ACSM2B: variants seen among roughly 807,000 people sequenced by gnomAD.
The protein encoded by ACSM2B is acyl-coenzyme A synthetase ACSM2B, mitochondrial.
Under a neutral mutation model 78.6 loss-of-function variants are expected in ACSM2B, and 58 were observed. The observed-to-expected ratio is 0.74, with a 90% CI of 0.60 to 0.92. The LOEUF is 0.92. ACSM2B is among the 40% of genes least tolerant of loss of function. The pLI, the probability that ACSM2B is intolerant of heterozygous loss-of-function variation, is 0.00. For synonymous variants in ACSM2B, 257 were observed against 256.8 expected (o/e 1.00, Z -0.01); for missense variants, 688 against 711.2 (o/e 0.97, Z 0.37).
intron 12 of ACSM2B, chr16:20,542,108 T>G (rs1243533597): frequency 6.6e-6 from 1 of 151,622 alleles, no homozygotes; most frequent in Non-Finnish European, 1.5e-5. Flanking sequence ...TGAGAACATT[T>G]CAAGTCCTCT....
Position 20,553,683 on chromosome 16 carries a change from G to A in ACSM2B, c.740+94C>T, listed in dbSNP as rs2015383020. On this transcript the variant is annotated intron_variant, in intron 5 of 13. Coordinates refer to ENST00000329697, the MANE Select transcript of ACSM2B (RefSeq NM_001105069.2). ...GAATTTTCTTTCTCAGAACCACAAGGTGGTGACACAGCCCAGGAGCATTGG... is the reference window on the plus strand; with the variant it reads ...GAATTTTCTTTCTCAGAACCACAAGATGGTGACACAGCCCAGGAGCATTGG... 11 of 1,522,960 alleles carry A rather than the reference G, an allele frequency of 7.2e-6. No homozygotes were observed. The East Asian group carries it at 2.1e-4, about 28-fold the overall frequency. The allele number at this position is 1,522,960 out of a possible 1,614,324, so 94.3% of individuals were successfully genotyped here.
At chr16:20,554,773 G>C (rs970794337) in intron 4 of ACSM2B, among the ~76,000 whole-genome samples, 1 of 152,178 alleles carries the variant, frequency 6.6e-6, no homozygotes, top group Admixed American at 6.5e-5. Flanking sequence ...CCCCTGATTT[G>C]AGTCATAGTT....
At chr16:20,554,809 C>T (rs2015418620) in intron 4 of ACSM2B, among the ~76,000 whole-genome samples, 1 of 152,232 alleles carries the variant, frequency 6.6e-6, no homozygotes, top group Non-Finnish European at 1.5e-5. Context: ...GGGTGGGTTT[C>T]AACCCACTTG....
chr16:20,544,455 G>A (rs1365666583), intron 10 of ACSM2B: 2 of 647,846 alleles, frequency 3.1e-6, no homozygotes, highest in African/African-American at 4.0e-5. Flanking sequence ...TGAGTTTAAA[G>A]TTTAAAAATT....
At chr16:20,540,878 C>T (rs996678686) in intron 12 of ACSM2B, 105 bp from the exon 13 acceptor site, 4 of 1,464,118 alleles carry the variant, frequency 2.7e-6, no homozygotes, top group Admixed American at 3.9e-5. Flanking sequence ...TGTATCTACT[C>T]ATTTGCACCC....
intron 1 of ACSM2B, among the ~76,000 whole-genome samples, 178 bp downstream of exon 1, chr16:20,576,029 C>A (rs1400007236): frequency 6.7e-6 from 1 of 148,212 alleles, no homozygotes; most frequent in Admixed American, 6.6e-5. Flanking sequence ...ATAAACGTGC[C>A]TTTTCCTCTG....
At chr16:20,555,714 T>C (rs1191940397) in intron 3 of ACSM2B, among the ~76,000 whole-genome samples, 1 of 152,172 alleles carries the variant, frequency 6.6e-6, no homozygotes, top group Non-Finnish European at 1.5e-5. Flanking sequence ...ATTGAATTGC[T>C]AATGTCACAC....
chr16:20,568,850 G>C (rs1421624673), intron 1 of ACSM2B, among the ~76,000 whole-genome samples: 1 of 150,892 alleles, frequency 6.6e-6, no homozygotes, highest in Admixed American at 6.6e-5. Context: ...ATGTATGCTG[G>C]ATCTTCTTTT....
chr16:20,540,233 T>TG (rs71149154), intron 13 of ACSM2B, among the ~76,000 whole-genome samples: 36,931 of 147,588 alleles, frequency 0.25, 5,054 homozygotes, highest in Middle Eastern at 0.4. Flanking sequence ...TGTTTTTTTT[T>TG]TTTGTTTGTT....
intron 1 of ACSM2B, among the ~76,000 whole-genome samples, chr16:20,566,641 T>C (rs1428689993): frequency 1.6e-4 from 3 of 19,264 alleles, no homozygotes; most frequent in Non-Finnish European, 2.3e-4. Context: ...ATAGTATATA[T>C]ATACTATACT....
intron 12 of ACSM2B, chr16:20,541,571 G>A (rs1405036059): frequency 6.6e-6 from 1 of 151,762 alleles, no homozygotes; most frequent in African/African-American, 2.4e-5. Context: ...CAAACAGCAG[G>A]ATAGAATCCT....
At chr16:20,567,821 T>G (rs1415913285) in intron 1 of ACSM2B, among the ~76,000 whole-genome samples, 4 of 141,556 alleles carry the variant, frequency 2.8e-5, no homozygotes, top group Non-Finnish European at 6.1e-5. Context: ...TATGTATAGA[T>G]ATATAAAACT....
At chr16:20,563,739 G>C (rs1240353622) in intron 2 of ACSM2B, among the ~76,000 whole-genome samples, 1 of 147,712 alleles carries the variant, frequency 6.8e-6, no homozygotes, top group East Asian at 1.9e-4. Flanking sequence ...CTGTTTCATA[G>C]TGTAGGGAAC....
intron 1 of ACSM2B, chr16:20,574,791 C>G (rs2016198543): frequency 6.6e-6 from 1 of 151,036 alleles, no homozygotes; most frequent in Non-Finnish European, 1.5e-5. Flanking sequence ...AGTTCTTTCT[C>G]TACAGGAGAT....
chr16:20,556,678 G>A (rs924924602), intron 3 of ACSM2B, among the ~76,000 whole-genome samples: 21 of 152,266 alleles, frequency 1.4e-4, no homozygotes, highest in East Asian at 7.7e-4. Context: ...CCACATGCCC[G>A]TCCTGTTAAA....
In ACSM2B at chr16:20,545,488, G is replaced by A. The variant is rs1424808083; in HGVS notation, c.1180-230C>T. Among the ~76,000 whole-genome samples the A allele has an allele frequency of 3.3e-5, 5 of 152,278 alleles. No individual in the cohort carries two copies. The South Asian group carries it at 8.3e-4, about 25-fold the overall frequency. ...TTGAGACTGGCCCAGATGAGCCTGG[G>A]GAGATGCTTTTGGCTCTAGGAGCTC... is the stretch of plus-strand genomic sequence containing the variant. On this transcript the variant is annotated intron_variant, in intron 9 of 13. Transcript: ENST00000329697.
At chr16:20,559,894 T>A (rs748756152) in intron 2 of ACSM2B, among the ~76,000 whole-genome samples, 1 of 151,086 alleles carries the variant, frequency 6.6e-6, no homozygotes. Context: ...CCAACATGTA[T>A]CTTCTGGAAA....
chr16:20,546,151 A>C (rs532523295), intron 9 of ACSM2B, among the ~76,000 whole-genome samples: 1 of 152,280 alleles, frequency 6.6e-6, no homozygotes, highest in African/African-American at 2.4e-5. Context: ...TATACTGTCT[A>C]GCTAATTTGC....
chr16:20,545,198 C>T lies in ACSM2B; in HGVS notation c.1240G>A (p.Val414Ile), dbSNP rs1807880202. Residue 414 changes from valine (V) to isoleucine (I), a missense_variant, in exon 10 of 14, where the codon GTC (valine) becomes ATC (isoleucine). Val to Ile is a conservative substitution (Grantham distance 29). Coordinates refer to ENST00000329697, the MANE Select transcript of ACSM2B (RefSeq NM_001105069.2). ...PGTEGDIGIR[V>I]KPIRPIGIFS... ...ATGCCTATAGGCCTGATGGGTTTGA[C>T]CCTGATGCCAATGTCTCCTTCTGTG... 2 of 1,613,900 alleles carry T rather than the reference C, an allele frequency of 1.2e-6. No individual in the cohort carries two copies. The highest frequency in any genetic ancestry group is 1.7e-6 in the Non-Finnish European group (2 of 1,179,860).
Sources: gnomAD v4.1 joint callset for allele counts (sites outside exome capture counted in the v4.1 genomes callset) on GRCh38, gnomAD v4.1.1 for gene constraint, MANE v1.5 for transcripts, NCBI Gene and HGNC (gene_info 2026-07-23, HGNC 2026-07-21) for gene names.